Variants in WWOX observed in about 807,000 individuals in gnomAD.
WWOX encodes the protein WW domain-containing oxidoreductase.
A neutral mutation model predicts 46.2 loss-of-function variants in WWOX; 69 were observed. The observed-to-expected ratio is 1.49, with a 90% confidence interval of 1.23 to 1.82. The LOEUF is 1.82. Among genes scored for constraint, WWOX ranks in the 40% most tolerant of loss-of-function variants. The pLI is 0.00. For synonymous variants in WWOX, 359 were observed against 202.6 expected (o/e 1.77, Z -6.56); for missense variants, 919 against 542.6 (o/e 1.69, Z -6.89).
At chr16:78,450,781 A>G (rs1424087119) in intron 8 of WWOX, among the ~76,000 whole-genome samples, 1 of 152,244 alleles carries the variant, frequency 6.6e-6, no homozygotes, top group Non-Finnish European at 1.5e-5. Flanking sequence ...TGAAATTACC[A>G]TGGCTGAATT....
intron 8 of WWOX, among the ~76,000 whole-genome samples, chr16:78,570,533 C>T (rs75492992): frequency 1.1e-3 from 163 of 152,074 alleles, no homozygotes; most frequent in African/African-American, 3.8e-3. Context: ...AGGCTGGTCT[C>T]ATATGCCTGG....
chr16:78,395,685 T>G (rs1271276940), intron 6 of WWOX, among the ~76,000 whole-genome samples: 1 of 152,234 alleles, frequency 6.6e-6, no homozygotes, highest in African/African-American at 2.4e-5. Context: ...TTATTGTTAC[T>G]GTAGTGATGT....
intron 8 of WWOX, among the ~76,000 whole-genome samples, chr16:79,062,800 C>G (rs902653355): frequency 1.3e-5 from 2 of 152,178 alleles, no homozygotes; most frequent in African/African-American, 4.8e-5. Flanking sequence ...TGGGTTCTAA[C>G]AGCCCCTTGA....
intron 8 of WWOX, among the ~76,000 whole-genome samples, chr16:78,631,540 CT>C (rs35592764): frequency 1.3e-3 from 183 of 138,886 alleles, no homozygotes; most frequent in Middle Eastern, 3.7e-3. Context: ...TTAAAATATT[CT>C]TTTTTTTTTT....
intron 8 of WWOX, among the ~76,000 whole-genome samples, chr16:78,675,485 C>A (rs2047574432): frequency 6.6e-6 from 1 of 152,028 alleles, no homozygotes; most frequent in African/African-American, 2.4e-5. Context: ...ATGTTCCAGG[C>A]ACGGTTGTAA....
chr16:78,173,620 G>C lies in WWOX; in HGVS notation c.516+9331G>C, dbSNP rs183719566. Among the ~76,000 whole-genome samples, 112 of 152,138 alleles carry C rather than the reference G, an allele frequency of 7.4e-4. No individual in the cohort carries two copies. In the East Asian group the frequency reaches 0.014, roughly 19 times the overall value. ...GCCTTAGTCATCTCTTTGAACCTTG[G>C]CTGATTTACCTGCAGATGCTAATAT... On this transcript the variant is annotated intron_variant, in intron 5 of 8. Transcript: ENST00000566780.
chr16:78,509,956 C>G (rs1423419778), intron 8 of WWOX, among the ~76,000 whole-genome samples: 1 of 150,534 alleles, frequency 6.6e-6, no homozygotes, highest in African/African-American at 2.4e-5. Context: ...GAAAAATTAG[C>G]TGGCATGGTG....
intron 8 of WWOX, among the ~76,000 whole-genome samples, chr16:79,175,806 C>A (rs775272655): frequency 2.6e-5 from 4 of 152,102 alleles, no homozygotes; most frequent in Non-Finnish European, 5.9e-5. Context: ...TCCCAATGTG[C>A]CCTTTTTGTC....
chr16:78,701,077 A>G (rs1217979321), intron 8 of WWOX, among the ~76,000 whole-genome samples: 1 of 152,142 alleles, frequency 6.6e-6, no homozygotes, highest in African/African-American at 2.4e-5. Flanking sequence ...TCTGTGCTTA[A>G]TCTTCTCCTC....
In WWOX at chr16:79,212,287, C is replaced by T; in HGVS notation, c.*491C>T. On this transcript the variant is annotated 3_prime_UTR_variant, in exon 9 of 9. Transcript: ENST00000566780. ...TCATTCATCCTGACCAAGACTGAGC[C>T]AGCTTAGCAACTGCTGGGGAGACAA... is the stretch of plus-strand genomic sequence containing the variant. 1 of 1,123,066 alleles carries T rather than the reference C, an allele frequency of 8.9e-7. No homozygotes were observed. Among genetic ancestry groups the T allele is most frequent in the East Asian group, 2.6e-5 (1 of 38,434 alleles). The allele number at this position is 1,123,066 out of a possible 1,614,324, so 69.6% of individuals were successfully genotyped here. A position where few individuals can be genotyped will look rare whatever the true frequency, so the allele number is the denominator to read the frequency against.
rs192502681 is a variant in WWOX, at chr16:79,192,764, C to T, written c.1057-18844C>T. On this transcript the variant is annotated intron_variant, in intron 8 of 8. Transcript: ENST00000566780. Reference sequence around the variant, plus strand: ...AAAAGAGGCAGTAGAGTGAGAAGAACGTGAACTTCAGAGCCCACCCATCCC... The same window carrying T: ...AAAAGAGGCAGTAGAGTGAGAAGAATGTGAACTTCAGAGCCCACCCATCCC... Among the ~76,000 whole-genome samples the T allele has an allele frequency of 4.6e-5, 7 of 152,290 alleles. No individual in the cohort carries two copies. In the East Asian group the frequency reaches 1.2e-3, roughly 25 times the overall value.
chr16:79,001,888 A>G (rs570257453), intron 8 of WWOX, among the ~76,000 whole-genome samples: 3 of 152,216 alleles, frequency 2.0e-5, no homozygotes, highest in South Asian at 2.1e-4. Flanking sequence ...TTCTAGAGCA[A>G]CCTCTTGGCT....
At chr16:78,316,175 G>A (rs1056055128) in intron 5 of WWOX, among the ~76,000 whole-genome samples, 2 of 152,078 alleles carry the variant, frequency 1.3e-5, no homozygotes, top group African/African-American at 4.8e-5. Context: ...GAACCTGGGA[G>A]GTGGAGGTTG....
intron 8 of WWOX, among the ~76,000 whole-genome samples, chr16:78,934,271 G>T (rs1014697757): frequency 6.9e-6 from 1 of 145,676 alleles, no homozygotes; most frequent in Admixed American, 7.0e-5. Flanking sequence ...CCAGGAGGCG[G>T]ATCTTGCAGT....
chr16:78,978,230 C>G (rs2046611817), intron 8 of WWOX, among the ~76,000 whole-genome samples: 1 of 152,156 alleles, frequency 6.6e-6, no homozygotes, highest in Non-Finnish European at 1.5e-5. Flanking sequence ...AGTTGGTTGA[C>G]CCATTCATCC....
intron 4 of WWOX, among the ~76,000 whole-genome samples, chr16:78,151,170 C>G (rs904693984): frequency 1.3e-5 from 2 of 151,950 alleles, no homozygotes; most frequent in East Asian, 3.9e-4. Context: ...AGACCCCATG[C>G]CTGGCCAATT....
At chr16:78,589,524 T>A (rs2151600187) in intron 8 of WWOX, among the ~76,000 whole-genome samples, 2 of 152,202 alleles carry the variant, frequency 1.3e-5, no homozygotes, top group East Asian at 3.9e-4. Flanking sequence ...CACTCAAGAG[T>A]CCACCTTGGC....
chr16:78,580,027 G>C (rs1597299316), intron 8 of WWOX, among the ~76,000 whole-genome samples: 1 of 152,148 alleles, frequency 6.6e-6, no homozygotes, highest in East Asian at 1.9e-4. Context: ...TTTTCTCAAA[G>C]CCTATTGAAA....
intron 8 of WWOX, among the ~76,000 whole-genome samples, chr16:79,210,340 C>T (rs925241669): frequency 6.6e-6 from 1 of 152,186 alleles, no homozygotes; most frequent in Admixed American, 6.5e-5. Flanking sequence ...CTGACTCTCC[C>T]AGGGATCCTA....
Sources: allele counts gnomAD v4.1 joint callset (sites outside exome capture counted in the v4.1 genomes callset), GRCh38; gene constraint gnomAD v4.1.1; transcripts MANE v1.5; gene names NCBI Gene and HGNC (gene_info 2026-07-23, HGNC 2026-07-21).